Variants in TENM3 observed in about 807,000 individuals in gnomAD.
TENM3 encodes teneurin transmembrane protein 3.
TENM3 carries 63 observed loss-of-function variants against 255.1 expected under a neutral mutation model. The ratio of observed to expected loss-of-function variants is 0.25; its 90% CI spans 0.20 to 0.30. The LOEUF is 0.30. Ranked by LOEUF, TENM3 falls within the 10% of genes least tolerant of loss-of-function variation. The pLI is 1.00. For missense variants in TENM3, 2,929 were observed against 3,461.1 expected (o/e 0.85, Z 3.86); for synonymous variants, 1,306 against 1,322.3 (o/e 0.99, Z 0.27).
chr4:181,549,450 A>G, the TENM3 span, among the ~76,000 whole-genome samples: 13 of 152,218 alleles, frequency 8.5e-5, no homozygotes, highest in Non-Finnish European at 1.6e-4. Flanking sequence ...GCTTACCAGT[A>G]TGGACCAGAG....
the TENM3 span, among the ~76,000 whole-genome samples, chr4:181,547,071 G>T: frequency 6.6e-6 from 1 of 152,146 alleles, no homozygotes; most frequent in East Asian, 1.9e-4. Flanking sequence ...TAAATGTAAT[G>T]AGTTAGTTGA....
intron 1 of TENM3, among the ~76,000 whole-genome samples, chr4:182,180,631 GTT>G (rs1297321541): frequency 1.1e-4 from 17 of 148,852 alleles, no homozygotes; most frequent in Admixed American, 1.1e-3. Flanking sequence ...TAATTTTATT[GTT>G]TCTCTTTTTT....
At chr4:181,546,542 C>T in the TENM3 span, among the ~76,000 whole-genome samples, 3 of 145,176 alleles carry the variant, frequency 2.1e-5, no homozygotes, top group Admixed American at 7.4e-5. Flanking sequence ...GGTGAAACCC[C>T]GTCTCTACTA....
the TENM3 span, among the ~76,000 whole-genome samples, chr4:181,751,304 A>T: frequency 6.6e-6 from 1 of 152,036 alleles, no homozygotes; most frequent in African/African-American, 2.4e-5. Context: ...TTAACTCAAG[A>T]ATTAATTTGG....
Position 182,680,507 on chromosome 4 carries a change from G to A in TENM3, c.1640-36G>A, listed in dbSNP as rs149998566. On this transcript the variant is annotated intron_variant, in intron 9 of 27. Transcript: ENST00000511685. ...TTCTTTCGGAAGCTCGGTGGAAAGT[G>A]TGGCTGTAATTCTTCTGTCGTGTCT... is the stretch of plus-strand genomic sequence containing the variant. 7.3e-4 allele frequency: 1,170 copies of A among 1,607,020 alleles called. 7 individuals carry two copies. In the African/African-American group the frequency reaches 0.014, roughly 19 times the overall value.
the TENM3 span, among the ~76,000 whole-genome samples, chr4:181,836,420 A>T: frequency 2.0e-5 from 3 of 152,200 alleles, no homozygotes; most frequent in African/African-American, 7.2e-5. Flanking sequence ...TATATTTTTT[A>T]AATAATACAT....
At chr4:182,367,496 G>A (rs189176853) in intron 3 of TENM3, among the ~76,000 whole-genome samples, 2 of 152,130 alleles carry the variant, frequency 1.3e-5, no homozygotes, top group African/African-American at 4.8e-5. Context: ...GATCCACTAC[G>A]AAATAAGAAG....
At chr4:181,467,216 G>A in the TENM3 span, among the ~76,000 whole-genome samples, 2 of 142,478 alleles carry the variant, frequency 1.4e-5, no homozygotes, top group African/African-American at 5.4e-5. Flanking sequence ...CGCGACCTCC[G>A]CCTCCCATGT....
At chr4:182,629,286 C>T (rs912714464) in intron 5 of TENM3, among the ~76,000 whole-genome samples, 3 of 152,116 alleles carry the variant, frequency 2.0e-5, no homozygotes, top group African/African-American at 7.2e-5. Context: ...TATTGTAAGT[C>T]TCTCAGCTCA....
intron 3 of TENM3, among the ~76,000 whole-genome samples, chr4:182,552,995 T>C (rs1742203605): frequency 6.6e-6 from 1 of 152,198 alleles, no homozygotes; most frequent in African/African-American, 2.4e-5. Flanking sequence ...GGGACATGCA[T>C]GATACTGAAT....
At chr4:182,335,488 C>A (rs1764066423) in intron 2 of TENM3, among the ~76,000 whole-genome samples, 1 of 77,538 alleles carries the variant, frequency 1.3e-5, no homozygotes, top group African/African-American at 4.5e-5. Flanking sequence ...GAGCGAGACT[C>A]CGCCTCAAAA....
the TENM3 span, among the ~76,000 whole-genome samples, chr4:181,538,010 T>G: frequency 6.6e-6 from 1 of 152,200 alleles, no homozygotes; most frequent in African/African-American, 2.4e-5. Flanking sequence ...CTTATTGATA[T>G]ATTTGGTGAA....
At chr4:182,036,243 G>C in the TENM3 span, among the ~76,000 whole-genome samples, 1 of 152,094 alleles carries the variant, frequency 6.6e-6, no homozygotes, top group East Asian at 1.9e-4. Context: ...CCAGGCTGGA[G>C]TGCAATGCAT....
At chr4:182,147,571 T>C (rs1213736310) in intron 1 of TENM3, among the ~76,000 whole-genome samples, 1 of 152,184 alleles carries the variant, frequency 6.6e-6, no homozygotes, top group Non-Finnish European at 1.5e-5. Flanking sequence ...TTGTCTGCCC[T>C]TTTCTGGAAG....
chr4:181,962,332 TGTAAGATGG>T, the TENM3 span, among the ~76,000 whole-genome samples: 2 of 152,202 alleles, frequency 1.3e-5, no homozygotes, highest in Non-Finnish European at 2.9e-5. Flanking sequence ...GTAAAGTACT[TGTAAGATGG>T]GTAAGCAGAT....
the TENM3 span, among the ~76,000 whole-genome samples, chr4:181,480,855 T>C: frequency 1.0e-3 from 155 of 150,268 alleles, no homozygotes; most frequent in African/African-American, 3.5e-3. Flanking sequence ...TTATTAGAAC[T>C]GTTCATGTGT....
chr4:181,935,136 A>T, the TENM3 span, among the ~76,000 whole-genome samples: 6 of 152,254 alleles, frequency 3.9e-5, no homozygotes, highest in Admixed American at 6.5e-5. Context: ...TTTTCAAGAT[A>T]TGCAAAATGA....
intron 2 of TENM3, among the ~76,000 whole-genome samples, chr4:182,344,941 TGA>T (rs1764708042): frequency 6.6e-6 from 1 of 152,222 alleles, no homozygotes; most frequent in Admixed American, 6.5e-5. Flanking sequence ...CTAACAATAC[TGA>T]GTCTCATCTC....
At chr4:182,730,420 TGCA>T in intron 15 of TENM3, 101 bp downstream of exon 15, 1 of 1,372,658 alleles carries the variant, frequency 7.3e-7, no homozygotes, top group Non-Finnish European at 9.9e-7. Context: ...AATATGGAAA[TGCA>T]GCAACTTTTT....
Sources: allele counts gnomAD v4.1 joint callset (sites outside exome capture counted in the v4.1 genomes callset), GRCh38; gene constraint gnomAD v4.1.1; transcripts MANE v1.5; gene names NCBI Gene and HGNC (gene_info 2026-07-23, HGNC 2026-07-21).